Variants in VPS13C observed in about 807,000 individuals in gnomAD.
The protein encoded by VPS13C is vacuolar protein sorting 13 homolog C.
A neutral mutation model predicts 456.8 loss-of-function variants in VPS13C; 358 were observed. The observed-to-expected ratio is 0.78, with a 90% CI of 0.72 to 0.86. The LOEUF is 0.86. VPS13C is among the 40% of genes least tolerant of loss of function. VPS13C has a pLI of 0.00. For synonymous variants in VPS13C, 1,578 were observed against 1,486.7 expected, an observed-to-expected ratio of 1.06 and a Z score of -1.41; for missense variants, 4,818 against 4,385.4, an observed-to-expected ratio of 1.10 and a Z score of -2.79.
At chr15:61,984,376 G>T (rs969456639) in intron 19 of VPS13C, among the ~76,000 whole-genome samples, 1 of 152,126 alleles carries the variant, frequency 6.6e-6, no homozygotes, top group Non-Finnish European at 1.5e-5. Flanking sequence ...GCTTCTCCTA[G>T]TCATTTCCAT....
chr15:61,919,205 T>C, intron 58 of VPS13C, 84 bp downstream of exon 58: 1 of 1,355,182 alleles, frequency 7.4e-7, no homozygotes, highest in Non-Finnish European at 1.0e-6. Flanking sequence ...CCTGATGAAG[T>C]TTTACTGTAT....
chr15:61,870,297 C>A (rs1470537387), intron 79 of VPS13C, among the ~76,000 whole-genome samples: 1 of 152,146 alleles, frequency 6.6e-6, no homozygotes, highest in Non-Finnish European at 1.5e-5. Context: ...CTCCCCACCT[C>A]CAGACTAGGT....
At chr15:61,996,298 C>G (rs1194532135) in intron 16 of VPS13C, among the ~76,000 whole-genome samples, 2 of 152,138 alleles carry the variant, frequency 1.3e-5, no homozygotes, top group Non-Finnish European at 2.9e-5. Context: ...GTTTAAAGAG[C>G]TGAACTGAAA....
chr15:62,001,030 A>G (rs915571284), intron 15 of VPS13C, among the ~76,000 whole-genome samples: 2 of 152,184 alleles, frequency 1.3e-5, no homozygotes, highest in African/African-American at 4.8e-5. Context: ...AAAACACATA[A>G]TATTTAAGAA....
chr15:62,003,150 A>G (rs1324120445), intron 15 of VPS13C, among the ~76,000 whole-genome samples: 5 of 152,106 alleles, frequency 3.3e-5, no homozygotes, highest in African/African-American at 1.2e-4. Flanking sequence ...CCTATCCATG[A>G]GCATGGAATG....
rs1046457341 is a variant in VPS13C, at chr15:62,006,684, A to T, written c.1290+624T>A. ...GGATCCCTGAGGAATCGCCACACTGACTTCCACAATGGTTGAACTAGTTTA... is the reference window on the plus strand; with the variant it reads ...GGATCCCTGAGGAATCGCCACACTGTCTTCCACAATGGTTGAACTAGTTTA... On this transcript the variant is annotated intron_variant, in intron 15 of 84. Coordinates refer to ENST00000644861, the MANE Select transcript of VPS13C (RefSeq NM_020821.3). Among the ~76,000 whole-genome samples, 12 of 152,176 alleles carry T rather than the reference A, an allele frequency of 7.9e-5. No individual in the cohort carries two copies. The South Asian group carries it at 2.1e-3, about 26-fold the overall frequency.
At chr15:61,987,454 C>A (rs1241009295) in intron 18 of VPS13C, among the ~76,000 whole-genome samples, 1 of 152,122 alleles carries the variant, frequency 6.6e-6, no homozygotes, top group Non-Finnish European at 1.5e-5. Flanking sequence ...AGAGCTTGTG[C>A]AGGGGAACTC....
chr15:62,013,224 C>T, intron 10 of VPS13C, 105 bp from the exon 11 acceptor site: 1 of 665,760 alleles, frequency 1.5e-6, no homozygotes, highest in Non-Finnish European at 2.3e-6. Flanking sequence ...ACCCAAATGC[C>T]ATTTTGAATT....
At chr15:61,966,221 T>C (rs1242294413) in intron 29 of VPS13C, 79 bp from the exon 30 acceptor site, 2 of 972,172 alleles carry the variant, frequency 2.1e-6, no homozygotes, top group African/African-American at 1.7e-5. Context: ...CTCTGGTTAA[T>C]TTATTTATAG....
chr15:61,881,013 T>A lies in VPS13C; in HGVS notation c.9777-59A>T, dbSNP rs892057520. 5 of 1,406,410 alleles carry A rather than the reference T, an allele frequency of 3.6e-6. No individual in the cohort carries two copies. In the African/African-American group the frequency reaches 7.3e-5, roughly 21 times the overall value. 87.1% of individuals were successfully genotyped at this position (1,406,410 alleles called of 1,614,324 possible). Reference sequence around the variant, plus strand: ...CTACCAAATCTTTTAATTTTCAATGTTAAAACTTTGATTTCAGTGAAAAGC... The same window carrying A: ...CTACCAAATCTTTTAATTTTCAATGATAAAACTTTGATTTCAGTGAAAAGC... On this transcript the variant is annotated intron_variant, in intron 71 of 84. Coordinates refer to ENST00000644861, the MANE Select transcript of VPS13C (RefSeq NM_020821.3).
chr15:61,948,007 C>A (rs910485747), intron 42 of VPS13C, among the ~76,000 whole-genome samples: 1 of 152,162 alleles, frequency 6.6e-6, no homozygotes, highest in Non-Finnish European at 1.5e-5. Context: ...AAAAATCTGT[C>A]TTGCTGGAAG....
At chr15:62,027,166 T>A (rs913675394) in intron 6 of VPS13C, among the ~76,000 whole-genome samples, 2 of 152,042 alleles carry the variant, frequency 1.3e-5, no homozygotes, top group African/African-American at 4.8e-5. Context: ...AATGAAGATA[T>A]CATCAACAAA....
Position 61,969,544 on chromosome 15 carries a change from T to C in VPS13C, c.2758-92A>G. On this transcript the variant is annotated intron_variant, in intron 27 of 84. Coordinates refer to ENST00000644861, the MANE Select transcript of VPS13C (RefSeq NM_020821.3). ...AAATCTTTCTCCATACACATCACCA[T>C]GAGAATAGTAACTTTGCTCATATCC... The C allele has an allele frequency of 2.5e-6, 2 of 799,734 alleles. 1 individual carries two copies. Among genetic ancestry groups the C allele is most frequent in the South Asian group, 7.0e-5 (2 of 28,402 alleles). The allele number at this position is 799,734 out of a possible 1,614,324, so 49.5% of individuals were successfully genotyped here.
intron 28 of VPS13C, among the ~76,000 whole-genome samples, 156 bp downstream of exon 28, chr15:61,969,143 A>G (rs529316237): frequency 6.6e-6 from 1 of 152,248 alleles, no homozygotes; most frequent in East Asian, 1.9e-4. Context: ...CCTACCCCAT[A>G]GCACTGCTAT....
At chr15:61,919,225 C>T in intron 58 of VPS13C, 64 bp downstream of exon 58, 1 of 1,478,604 alleles carries the variant, frequency 6.8e-7, no homozygotes, top group South Asian at 1.3e-5. Context: ...TTCCTATATT[C>T]AGCTAAATGA....
chr15:61,855,300 C>A (rs1335166520), intron 83 of VPS13C, among the ~76,000 whole-genome samples: 1 of 152,106 alleles, frequency 6.6e-6, no homozygotes, highest in East Asian at 1.9e-4. Flanking sequence ...CATAAAATTT[C>A]TGTATAATGT....
chr15:62,015,621 T>C (rs2047210183), intron 9 of VPS13C, among the ~76,000 whole-genome samples: 1 of 142,684 alleles, frequency 7.0e-6, no homozygotes, highest in Non-Finnish European at 1.5e-5. Context: ...TTCATGTCCT[T>C]TGTAGGGACA....
At chr15:61,864,937 T>A in intron 81 of VPS13C, 1 of 978,982 alleles carries the variant, frequency 1.0e-6, no homozygotes, top group African/African-American at 1.7e-5. Flanking sequence ...TACTACCCAC[T>A]TTCTATCTTG....
chr15:61,861,280 T>C (rs1220209626), intron 82 of VPS13C, among the ~76,000 whole-genome samples: 13 of 151,998 alleles, frequency 8.6e-5, no homozygotes, highest in Non-Finnish European at 4.4e-5. Flanking sequence ...CATCTCCTTA[T>C]TTTCAATACT....
Sources: gnomAD v4.1 joint callset for allele counts (sites outside exome capture counted in the v4.1 genomes callset) on GRCh38, gnomAD v4.1.1 for gene constraint, MANE v1.5 for transcripts, NCBI Gene and HGNC (gene_info 2026-07-23, HGNC 2026-07-21) for gene names.